Variants in DOCK7 observed in about 807,000 individuals in gnomAD.
DOCK7 encodes dedicator of cytokinesis protein 7.
Under a neutral mutation model 271.0 loss-of-function variants are expected in DOCK7, and 138 were observed. The ratio of observed to expected loss-of-function variants is 0.51; its 90% CI spans 0.44 to 0.59. DOCK7 has a LOEUF of 0.59. Ranked by LOEUF, DOCK7 falls within the 20% of genes least tolerant of loss-of-function variation. The pLI is 0.00. For missense variants in DOCK7, 2,066 were observed against 2,592.4 expected, an observed-to-expected ratio of 0.80 and a Z score of 4.41; for synonymous variants, 823 against 876.1, an observed-to-expected ratio of 0.94 and a Z score of 1.07.
At position 62,663,109 on chromosome 1, in the gene DOCK7, C is replaced by G; in HGVS notation, c.60G>C (p.Arg20Ser). 2 of 1,612,778 alleles carry G rather than the reference C, an allele frequency of 1.2e-6. No individual in the cohort carries two copies. Among genetic ancestry groups the G allele is most frequent in the Non-Finnish European group, 1.7e-6 (2 of 1,179,448 alleles). Reference protein sequence around the residue: ...KISRTVAAEVRKQISGQYSGS... With the variant: ...KISRTVAAEVSKQISGQYSGS... ...CACTATATTGTCCGGAGATCTGCTTCCTAACTTCGGCTGCCACCGTTCTAC... is the reference window on the plus strand; with the variant it reads ...CACTATATTGTCCGGAGATCTGCTTGCTAACTTCGGCTGCCACCGTTCTAC... The change falls in exon 2 of 50, where the codon AGG (arginine) becomes AGC (serine). Residue 20 changes from arginine (R) to serine (S), a missense_variant. Coordinates refer to ENST00000635253, the MANE Select transcript of DOCK7 (RefSeq NM_001367561.1).
At chr1:62,593,225 TTTTTTATAGG>T (rs1441413358) in intron 14 of DOCK7, among the ~76,000 whole-genome samples, 2 of 152,154 alleles carry the variant, frequency 1.3e-5, no homozygotes, top group African/African-American at 4.8e-5. Context: ...GAGATTTTTA[TTTTTTATAGG>T]TTTTTGAAAT....
chr1:62,664,065 G>T (rs1406612165), intron 1 of DOCK7, among the ~76,000 whole-genome samples: 2 of 152,150 alleles, frequency 1.3e-5, no homozygotes, highest in Non-Finnish European at 2.9e-5. Context: ...AAAGAATATT[G>T]CTAAGTGAAA....
intron 22 of DOCK7, 126 bp from the exon 23 acceptor site, chr1:62,545,165 C>T: frequency 1.3e-6 from 1 of 788,492 alleles, no homozygotes; most frequent in South Asian, 2.3e-5. Flanking sequence ...GTTAAAGCAA[C>T]CAAAATTTGT....
At chr1:62,684,600 T>C (rs1572016349) in intron 1 of DOCK7, among the ~76,000 whole-genome samples, 1 of 152,152 alleles carries the variant, frequency 6.6e-6, no homozygotes, top group East Asian at 1.9e-4. Context: ...AAAAAGTGCT[T>C]TAAGTGTACA....
intron 31 of DOCK7, among the ~76,000 whole-genome samples, chr1:62,525,109 G>C (rs1644968180): frequency 6.6e-6 from 1 of 151,198 alleles, no homozygotes; most frequent in Non-Finnish European, 1.5e-5. Context: ...AGGTTCAAGT[G>C]ATTCTCCTGT....
chr1:62,556,545 G>A (rs907117188), intron 20 of DOCK7, among the ~76,000 whole-genome samples: 2 of 150,370 alleles, frequency 1.3e-5, no homozygotes, highest in African/African-American at 4.9e-5. Context: ...GAGGGGGCTA[G>A]AAAAACAGGT....
chr1:62,462,289 T>C (rs1052445693), intron 48 of DOCK7, among the ~76,000 whole-genome samples: 3 of 152,036 alleles, frequency 2.0e-5, no homozygotes, highest in Admixed American at 1.3e-4. Context: ...GAGTGAAAAA[T>C]TGATTCTAAA....
Position 62,504,680 on chromosome 1 carries a change from C to T in DOCK7, c.4714G>A (p.Ala1572Thr), listed in dbSNP as rs374226829. 1.9e-5 allele frequency: 30 copies of T among 1,613,844 alleles called. No homozygotes were observed. The highest frequency in any genetic ancestry group is 2.5e-5 in the Non-Finnish European group (29 of 1,179,944). The change falls in exon 37 of 50, where the codon GCC becomes ACC. Residue 1572 changes from alanine (A) to threonine (T), a missense_variant. This residue lies in a region of DOCK7 where 652 missense variants were observed against 922.1 expected (regional missense o/e 0.71). Transcript: ENST00000635253. ...SSSIGTIRSH[A>T]SASLYLLMRQ... Reference sequence around the variant, plus strand: ...ATTAGTAGGTAAAGGGAGGCACTGGCGTGTGACCGTATTGTACCGATGCTA... The same window carrying T: ...ATTAGTAGGTAAAGGGAGGCACTGGTGTGTGACCGTATTGTACCGATGCTA...
intron 31 of DOCK7, among the ~76,000 whole-genome samples, chr1:62,525,149 G>C (rs1644969447): frequency 6.6e-6 from 1 of 150,862 alleles, no homozygotes; most frequent in Non-Finnish European, 1.5e-5. Context: ...GGGATTACAG[G>C]CGCCCACCAC....
At chr1:62,621,235 C>T (rs757159901) in intron 12 of DOCK7, among the ~76,000 whole-genome samples, 3 of 152,048 alleles carry the variant, frequency 2.0e-5, no homozygotes, top group Admixed American at 6.5e-5. Flanking sequence ...CAACTGTCCT[C>T]ATACTAAGGC....
intron 21 of DOCK7, among the ~76,000 whole-genome samples, chr1:62,553,354 ATTTTTTTTTTTTTTTTTTTTT>A (rs1159680880): frequency 0.024 from 413 of 17,284 alleles, 3 homozygotes; most frequent in Admixed American, 0.056. Flanking sequence ...ATATATATAT[ATTTTTTTTTTTTTTTTTTTTT>A]TTTTTTTTTT....
Position 62,648,229 on chromosome 1 carries a change from A to T in DOCK7, c.609T>A (p.Pro203=). The change falls in exon 6 of 50, where the codon CCT becomes CCA. Residue 203 remains proline (P), a synonymous_variant. Transcript: ENST00000635253. ...CSIFDLKNSL[P]DALLPNLLDR... ...CAAGTAAATTGGGAAGCAAAGCATC[A>T]GGAAGTGAATTTTTCAAGTCAAAGA... The T allele has an allele frequency of 6.2e-7, 1 of 1,613,736 alleles. No homozygotes were observed. The highest frequency in any genetic ancestry group is 8.5e-7 in the Non-Finnish European group (1 of 1,179,758).
At chr1:62,611,120 T>C (rs1045588199) in intron 14 of DOCK7, among the ~76,000 whole-genome samples, 2 of 152,224 alleles carry the variant, frequency 1.3e-5, no homozygotes, top group African/African-American at 4.8e-5. Context: ...ATATTGTTGA[T>C]GCTTATTACT....
At chr1:62,584,756 G>A in intron 15 of DOCK7, 1 of 804,244 alleles carries the variant, frequency 1.2e-6, no homozygotes, top group Non-Finnish European at 2.1e-6. Context: ...AATCTAATGG[G>A]TGAAATTAAG....
In DOCK7 at chr1:62,618,835, T is replaced by G. The variant is rs1478008076; in HGVS notation, c.1553A>C (p.Glu518Ala). The change falls in exon 14 of 50, where the codon GAA (glutamate) becomes GCA (alanine). Residue 518 changes from glutamate (E) to alanine (A), a missense_variant. By Grantham distance (107) the Glu-to-Ala change is moderately radical. Transcript: ENST00000635253. The part of the protein sequence containing the change: ...QLKIDISPAP[E>A]NPHYCLTPEL... ...CGGAGTTAGGCAATAATGGGGATTT[T>G]CAGGTGCGGGAGAAATGTCTATCTT... 6.2e-7 allele frequency: 1 copy of G among 1,613,834 alleles called. No homozygotes were observed. Among genetic ancestry groups the G allele is most frequent in the East Asian group, 2.2e-5 (1 of 44,838 alleles).
rs1198990741 is a variant in DOCK7 at position 62,529,286 on chromosome 1, C to G, written c.3772G>C (p.Asp1258His). 5.0e-6 allele frequency: 8 copies of G among 1,599,880 alleles called. No homozygotes were observed. In the South Asian group the frequency reaches 8.0e-5, roughly 16 times the overall value. The change falls in exon 30 of 50, where the codon GAT becomes CAT. Residue 1258 changes from aspartate to histidine, a missense_variant. Asp to His is a moderately conservative substitution (Grantham distance 81). Transcript: ENST00000635253. ...IIMETVPQLY[D>H]FTETHNQRGR... is the part of the protein sequence containing the mutation. Reference sequence around the variant, plus strand: ...TAATTATACTAGGTACCTGTAAAATCATACAGCTGAGGTACAGTTTCCATG... The same window carrying G: ...TAATTATACTAGGTACCTGTAAAATGATACAGCTGAGGTACAGTTTCCATG...
intron 14 of DOCK7, chr1:62,602,437 G>GT: frequency 1.3e-6 from 2 of 1,484,028 alleles, no homozygotes; most frequent in South Asian, 2.3e-5. Context: ...TATTTACTGA[G>GT]AACCTCTTAT....
chr1:62,530,038 C>T (rs1645128052), intron 29 of DOCK7, among the ~76,000 whole-genome samples: 1 of 152,196 alleles, frequency 6.6e-6, no homozygotes, highest in African/African-American at 2.4e-5. Flanking sequence ...TAACAAGGGT[C>T]ACTTTCACTT....
At chr1:62,507,329 A>G (rs1646972288) in intron 35 of DOCK7, among the ~76,000 whole-genome samples, 3 of 152,214 alleles carry the variant, frequency 2.0e-5, no homozygotes, top group Admixed American at 6.5e-5. Context: ...GCTCTTCTAC[A>G]TACTAGCTGC....
Sources: allele counts gnomAD v4.1 joint callset (sites outside exome capture counted in the v4.1 genomes callset), GRCh38; gene constraint gnomAD v4.1.1; regional missense constraint gnomAD v4.1.1; transcripts MANE v1.5; gene names NCBI Gene and HGNC (gene_info 2026-07-23, HGNC 2026-07-21).